Variants in NTRK2 observed in about 807,000 individuals in gnomAD.
NTRK2 encodes neurotrophic receptor tyrosine kinase 2.
In NTRK2, 13 loss-of-function variants were observed where a neutral mutation model predicts 94.5. The observed-to-expected ratio is 0.14, with a 90% CI of 0.09 to 0.22. The LOEUF is 0.22. Ranked by LOEUF, NTRK2 falls within the 10% of genes least tolerant of loss-of-function variation. The pLI is 1.00. For missense variants in NTRK2, 639 were observed against 1,071.2 expected, an observed-to-expected ratio of 0.60 and a Z score of 5.63; for synonymous variants, 372 against 407.4, an observed-to-expected ratio of 0.91 and a Z score of 1.05.
intron 12 of NTRK2, among the ~76,000 whole-genome samples, chr9:84,842,907 A>G (rs2074264006): frequency 6.6e-6 from 1 of 152,200 alleles, no homozygotes; most frequent in Non-Finnish European, 1.5e-5. Context: ...TAAGGAGAGG[A>G]ATGAGGCAGA....
intron 12 of NTRK2, among the ~76,000 whole-genome samples, chr9:84,836,053 G>A (rs531208169): frequency 8.5e-5 from 13 of 152,220 alleles, no homozygotes; most frequent in Admixed American, 1.3e-4. Flanking sequence ...GAAATCTCAG[G>A]GAAACAGAGC....
chr9:84,821,357 T>C (rs1430598531), intron 12 of NTRK2, among the ~76,000 whole-genome samples: 1 of 151,772 alleles, frequency 6.6e-6, no homozygotes, highest in East Asian at 1.9e-4. Flanking sequence ...CCCTATGGAA[T>C]AGGAATACCA....
At chr9:84,841,717 G>A (rs965407381) in intron 12 of NTRK2, among the ~76,000 whole-genome samples, 2 of 152,180 alleles carry the variant, frequency 1.3e-5, no homozygotes, top group Non-Finnish European at 2.9e-5. Flanking sequence ...TATGGTCAGA[G>A]CACTTGCCAC....
At chr9:84,751,843 C>T (rs2064648677) in intron 11 of NTRK2, 143 bp from the exon 12 acceptor site, 5 of 709,604 alleles carry the variant, frequency 7.0e-6, no homozygotes, top group South Asian at 6.1e-5. Flanking sequence ...AGTTGGTGTA[C>T]ATAAGGCTGT....
chr9:84,989,284 A>G (rs1302426665), intron 17 of NTRK2, among the ~76,000 whole-genome samples: 1 of 152,190 alleles, frequency 6.6e-6, no homozygotes, highest in Non-Finnish European at 1.5e-5. Flanking sequence ...CTCAGTTGTC[A>G]CCACTTCAAA....
At chr9:84,687,967 A>G (rs1428859270) in intron 2 of NTRK2, among the ~76,000 whole-genome samples, 4 of 152,090 alleles carry the variant, frequency 2.6e-5, no homozygotes, top group East Asian at 1.9e-4. Context: ...CCCAAACTCT[A>G]TCAACACCAC....
At chr9:84,997,318 T>A (rs1829872147) in intron 17 of NTRK2, among the ~76,000 whole-genome samples, 1 of 152,140 alleles carries the variant, frequency 6.6e-6, no homozygotes, top group African/African-American at 2.4e-5. Context: ...AAGAAGAAGT[T>A]AAGTGCCCCT....
intron 9 of NTRK2, among the ~76,000 whole-genome samples, chr9:84,735,236 A>G (rs754498414): frequency 5.9e-5 from 9 of 152,212 alleles, no homozygotes; most frequent in Non-Finnish European, 1.0e-4. Context: ...CTTCATGCTC[A>G]CTGAGACCTT....
At chr9:84,879,780 A>G (rs74363143) in intron 14 of NTRK2, among the ~76,000 whole-genome samples, 3 of 152,064 alleles carry the variant, frequency 2.0e-5, no homozygotes, top group Non-Finnish European at 4.4e-5. Flanking sequence ...TAGTGTTGGC[A>G]TTGCCCCTTT....
chr9:84,993,680 C>A (rs76149009), intron 17 of NTRK2, among the ~76,000 whole-genome samples: 1 of 152,186 alleles, frequency 6.6e-6, no homozygotes, highest in Non-Finnish European at 1.5e-5. Flanking sequence ...CTCTGGCCTG[C>A]GACATCCTGC....
At chr9:84,668,614 A>C (rs894095954), upstream of NTRK2, 1 of 152,272 alleles carries the variant, frequency 6.6e-6, no homozygotes, top group African/African-American at 2.4e-5. Flanking sequence ...CACCCGCAGA[A>C]TAGTTACGGT....
intron 12 of NTRK2, among the ~76,000 whole-genome samples, chr9:84,752,731 T>G (rs1364207083): frequency 1.3e-5 from 2 of 152,234 alleles, no homozygotes; most frequent in Non-Finnish European, 2.9e-5. Flanking sequence ...AAAACTTGTA[T>G]AAATTTCTTG....
chr9:84,839,158 A>G (rs529855962), intron 12 of NTRK2, among the ~76,000 whole-genome samples: 2 of 152,318 alleles, frequency 1.3e-5, no homozygotes, highest in South Asian at 2.1e-4. Flanking sequence ...TTTGTCAGAA[A>G]GTTTCTGTTT....
intron 12 of NTRK2, among the ~76,000 whole-genome samples, chr9:84,803,856 G>T (rs1266680022): frequency 6.6e-6 from 1 of 152,108 alleles, no homozygotes. Context: ...TTTGCTCTTA[G>T]CTAATTTAAA....
At chr9:84,805,509 G>T (rs554296700) in intron 12 of NTRK2, among the ~76,000 whole-genome samples, 27 of 152,272 alleles carry the variant, frequency 1.8e-4, no homozygotes, top group African/African-American at 5.3e-4. Flanking sequence ...ATGTGATTTC[G>T]TACTGGAAGC....
At chr9:84,959,518 C>T (rs983723559) in intron 17 of NTRK2, among the ~76,000 whole-genome samples, 2 of 152,176 alleles carry the variant, frequency 1.3e-5, no homozygotes, top group African/African-American at 4.8e-5. Context: ...GCTGTTCTTT[C>T]GTTACAGGGG....
intron 14 of NTRK2, among the ~76,000 whole-genome samples, chr9:84,893,542 C>A (rs893567814): frequency 5.3e-5 from 8 of 152,050 alleles, no homozygotes; most frequent in African/African-American, 1.9e-4. Flanking sequence ...TGTGGACGTG[C>A]AGGGCAGCGT....
intron 6 of NTRK2, among the ~76,000 whole-genome samples, chr9:84,720,569 G>C (rs914526946): frequency 1.3e-5 from 2 of 152,084 alleles, no homozygotes; most frequent in African/African-American, 4.8e-5. Context: ...AAATTTGTGC[G>C]ATGTTTCTAG....
intron 17 of NTRK2, among the ~76,000 whole-genome samples, chr9:84,978,342 G>T (rs1053367010): frequency 6.6e-6 from 1 of 152,180 alleles, no homozygotes; most frequent in African/African-American, 2.4e-5. Context: ...CAGCCTTCTT[G>T]CTGATAGGGA....
Sources: gnomAD v4.1 joint callset for allele counts (sites outside exome capture counted in the v4.1 genomes callset) on GRCh38, gnomAD v4.1.1 for gene constraint, MANE v1.5 for transcripts, NCBI Gene and HGNC (gene_info 2026-07-23, HGNC 2026-07-21) for gene names.